The following FAM135A variants were observed in gnomAD, a reference collection of about 807,000 sequenced individuals.
The protein encoded by FAM135A is family with sequence similarity 135 member A.
A neutral mutation model predicts 146.8 loss-of-function variants in FAM135A; 79 were observed. The ratio of observed to expected loss-of-function variants is 0.54; its 90% CI spans 0.45 to 0.65. The LOEUF is 0.65. Ranked by LOEUF, FAM135A falls within the 30% of genes least tolerant of loss-of-function variation. The pLI, the probability that FAM135A is intolerant of heterozygous loss-of-function variation, is 0.00. For missense variants in FAM135A, 1,623 were observed against 1,758.2 expected, an observed-to-expected ratio of 0.92 and a Z score of 1.38; for synonymous variants, 562 against 603.6, an observed-to-expected ratio of 0.93 and a Z score of 1.01.
At chr6:70,551,133 A>G (rs1054797309) in intron 20 of FAM135A, among the ~76,000 whole-genome samples, 2 of 152,162 alleles carry the variant, frequency 1.3e-5, no homozygotes, top group Non-Finnish European at 2.9e-5. Flanking sequence ...CAGCAATAAA[A>G]CTGTTTTGGT....
At chr6:70,533,408 T>A (rs534766295) in intron 17 of FAM135A, among the ~76,000 whole-genome samples, 157 bp downstream of exon 17, 10 of 152,324 alleles carry the variant, frequency 6.6e-5, no homozygotes, top group African/African-American at 2.4e-4. Context: ...TATATATGAT[T>A]TACATTTTGA....
chr6:70,492,795 A>G (rs1300761136), intron 11 of FAM135A, among the ~76,000 whole-genome samples: 5 of 151,962 alleles, frequency 3.3e-5, no homozygotes, highest in Non-Finnish European at 5.9e-5. Flanking sequence ...TTTTTTGCCT[A>G]TGAAATTTGC....
chr6:70,556,335 A>G (rs933499215), intron 20 of FAM135A, among the ~76,000 whole-genome samples: 10 of 152,226 alleles, frequency 6.6e-5, no homozygotes, highest in African/African-American at 2.2e-4. Flanking sequence ...AAAGCTTTAA[A>G]TGATGTACTG....
chr6:70,523,841 TAAG>T (rs1794132324), intron 13 of FAM135A, 123 bp from the exon 14 acceptor site: 2 of 860,242 alleles, frequency 2.3e-6, no homozygotes, highest in South Asian at 1.9e-5. Flanking sequence ...AGCTCTCTCA[TAAG>T]AAGGTTATGT....
In FAM135A at chr6:70,475,906, C is replaced by T. The variant is rs571469638; in HGVS notation, c.368+173C>T. 7.2e-5 allele frequency among the ~76,000 whole-genome samples: 11 copies of T among 152,084 alleles called. No homozygotes were observed. The East Asian group carries it at 1.9e-3, about 27-fold the overall frequency. ...TAGGCCAGCTCTATTGTGCCCATGC[C>T]GAATCCATGAGCTCCAGATAACAAA... On this transcript the variant is annotated intron_variant, in intron 7 of 21. Coordinates refer to ENST00000418814, the MANE Select transcript of FAM135A (RefSeq NM_001162529.3).
chr6:70,499,934 G>T (rs1788106362), intron 11 of FAM135A, among the ~76,000 whole-genome samples: 1 of 152,154 alleles, frequency 6.6e-6, no homozygotes, highest in Non-Finnish European at 1.5e-5. Flanking sequence ...CAACCTTGGA[G>T]AATCTGAAGA....
intron 18 of FAM135A, 146 bp from the exon 19 acceptor site, chr6:70,536,114 A>T: frequency 1.5e-6 from 1 of 646,818 alleles, no homozygotes; most frequent in Non-Finnish European, 2.5e-6. Flanking sequence ...AAAATGTGGT[A>T]TATCATTTCA....
At chr6:70,440,837 CA>C (rs966673354) in intron 4 of FAM135A, among the ~76,000 whole-genome samples, 1 of 149,748 alleles carries the variant, frequency 6.7e-6, no homozygotes, top group Non-Finnish European at 1.5e-5. Flanking sequence ...AAAGCTGTCT[CA>C]AAAAAAAATG....
At chr6:70,453,391 TGGTTAA>T (rs1319068458) in intron 5 of FAM135A, among the ~76,000 whole-genome samples, 1 of 152,178 alleles carries the variant, frequency 6.6e-6, no homozygotes, top group East Asian at 1.9e-4. Context: ...ACTAAAATGT[TGGTTAA>T]TGTTAAATTT....
chr6:70,425,755 A>G lies in FAM135A; in HGVS notation c.-133-684A>G, dbSNP rs146009365. Among the ~76,000 whole-genome samples, 474 of 152,362 alleles carry G rather than the reference A, an allele frequency of 3.1e-3. 3 individuals carry two copies. Among genetic ancestry groups the G allele is most frequent in the African/African-American group, 0.011 (449 of 41,598 alleles). On this transcript the variant is annotated intron_variant, in intron 2 of 21. Coordinates refer to ENST00000418814, the MANE Select transcript of FAM135A (RefSeq NM_001162529.3). ...TATATGCATACATGCACACACATAC[A>G]TATATACGTACTCAGGGAGTTACTT...
At chr6:70,429,199 A>G (rs1054882992) in intron 4 of FAM135A, among the ~76,000 whole-genome samples, 6 of 152,172 alleles carry the variant, frequency 3.9e-5, no homozygotes, top group African/African-American at 1.4e-4. Context: ...TTGGAAATAG[A>G]AACGAACATG....
chr6:70,437,224 G>C (rs1773383822), intron 4 of FAM135A, among the ~76,000 whole-genome samples: 1 of 152,080 alleles, frequency 6.6e-6, no homozygotes, highest in African/African-American at 2.4e-5. Context: ...ATGGATCTTA[G>C]AGTTCCACCT....
chr6:70,499,367 A>G (rs759097519), intron 11 of FAM135A, among the ~76,000 whole-genome samples: 9 of 152,138 alleles, frequency 5.9e-5, no homozygotes, highest in Non-Finnish European at 1.0e-4. Context: ...TTTTGAGCCT[A>G]TATGTGTCTT....
intron 5 of FAM135A, among the ~76,000 whole-genome samples, chr6:70,468,853 A>G (rs1293893880): frequency 6.6e-6 from 1 of 152,162 alleles, no homozygotes; most frequent in Non-Finnish European, 1.5e-5. Context: ...TTTTTAGTTC[A>G]GAGGACTTCT....
chr6:70,463,341 C>T (rs572337590), intron 5 of FAM135A, among the ~76,000 whole-genome samples: 2 of 151,780 alleles, frequency 1.3e-5, no homozygotes, highest in African/African-American at 4.8e-5. Context: ...CCTTGAACAC[C>T]TGGGCTCAAG....
chr6:70,426,284 A>G (rs1471825230), intron 2 of FAM135A, among the ~76,000 whole-genome samples, 155 bp from the exon 3 acceptor site: 1 of 152,216 alleles, frequency 6.6e-6, no homozygotes, highest in Non-Finnish European at 1.5e-5. Flanking sequence ...ATTGTGAATG[A>G]AAAAAGTCTC....
chr6:70,520,200 G>C (rs1437299740), intron 12 of FAM135A, among the ~76,000 whole-genome samples: 1 of 151,902 alleles, frequency 6.6e-6, no homozygotes, highest in East Asian at 1.9e-4. Flanking sequence ...GTGTGGATTG[G>C]GAAAGCAAAT....
At position 70,525,252 on chromosome 6, in the gene FAM135A, T is replaced by C; in HGVS notation, c.2168T>C (p.Leu723Pro). The C allele has an allele frequency of 6.3e-7, 1 of 1,599,310 alleles. No individual in the cohort carries two copies. Among genetic ancestry groups the C allele is most frequent in the Non-Finnish European group, 8.5e-7 (1 of 1,174,694 alleles). ...GAAGCTTTGCAAGAAGCAAAGTGTC[T>C]TTCTATTGGAGAATCATTAACTAAA... The part of the protein sequence containing the change: ...EKEALQEAKC[L>P]SIGESLTKLR... Residue 723 changes from leucine to proline, a missense_variant, in exon 15 of 22, where the codon CTT (leucine) becomes CCT (proline). Around this residue, in one of 7 missense-constraint regions of FAM135A, gnomAD observed 1,061 missense variants for 1,113.8 expected, o/e 0.95. Coordinates refer to ENST00000418814, the MANE Select transcript of FAM135A (RefSeq NM_001162529.3).
intron 12 of FAM135A, among the ~76,000 whole-genome samples, chr6:70,507,807 A>G (rs545592384): frequency 1.1e-4 from 16 of 152,244 alleles, no homozygotes; most frequent in African/African-American, 3.4e-4. Flanking sequence ...ATAAGTGAAT[A>G]ATGTCTTTGT....
Sources: gnomAD v4.1 joint callset for allele counts (sites outside exome capture counted in the v4.1 genomes callset) on GRCh38, gnomAD v4.1.1 for gene constraint, gnomAD v4.1.1 regional missense constraint, MANE v1.5 for transcripts, NCBI Gene and HGNC (gene_info 2026-07-23, HGNC 2026-07-21) for gene names.